Variants in STARD13 observed in about 807,000 individuals in gnomAD.
STARD13 encodes StAR related lipid transfer domain containing 13.
A neutral mutation model predicts 106.4 loss-of-function variants in STARD13; 62 were observed. The ratio of observed to expected loss-of-function variants is 0.58; its 90% CI spans 0.48 to 0.72. The LOEUF is 0.72. Ranked by LOEUF, STARD13 falls within the 30% of genes least tolerant of loss-of-function variation. The pLI is 0.00. For missense variants in STARD13, 1,387 were observed against 1,424.0 expected, an observed-to-expected ratio of 0.97 and a Z score of 0.42; for synonymous variants, 565 against 553.0, an observed-to-expected ratio of 1.02 and a Z score of -0.31.
At chr13:33,383,319 G>A in the STARD13 span, among the ~76,000 whole-genome samples, 1 of 152,088 alleles carries the variant, frequency 6.6e-6, no homozygotes, top group Admixed American at 6.5e-5. Context: ...AATCGCTTGA[G>A]GCTAAAAGGT....
At chr13:33,512,624 C>A in the STARD13 span, among the ~76,000 whole-genome samples, 3 of 152,014 alleles carry the variant, frequency 2.0e-5, no homozygotes, top group African/African-American at 7.2e-5. Context: ...CCCGCCATCA[C>A]GCCTGGCTAA....
the STARD13 span, among the ~76,000 whole-genome samples, chr13:33,374,956 A>G: frequency 2.0e-5 from 3 of 152,062 alleles, no homozygotes; most frequent in Admixed American, 6.6e-5. Context: ...TGCCAATTCC[A>G]CTCTTAGTAC....
intron 3 of STARD13, among the ~76,000 whole-genome samples, chr13:33,148,692 C>T (rs1466831260): frequency 6.6e-6 from 1 of 152,204 alleles, no homozygotes; most frequent in African/African-American, 2.4e-5. Context: ...ACACTTTTAT[C>T]ATATACTCGA....
the STARD13 span, among the ~76,000 whole-genome samples, chr13:33,430,469 A>G: frequency 6.6e-6 from 1 of 152,198 alleles, no homozygotes; most frequent in Admixed American, 6.5e-5. Context: ...ATTTGTGTAT[A>G]AGGTTGGTGG....
At chr13:33,528,257 C>CATATATATGTATATATATAT in the STARD13 span, among the ~76,000 whole-genome samples, 4 of 92,898 alleles carry the variant, frequency 4.3e-5, no homozygotes, top group South Asian at 5.9e-4. Context: ...TATATATATA[C>CATATATATGTATATATATAT]ATATATATAT....
At chr13:33,472,661 C>T in the STARD13 span, among the ~76,000 whole-genome samples, 45,481 of 152,016 alleles carry the variant, frequency 0.3, 7,674 homozygotes, top group Non-Finnish European at 0.39. Flanking sequence ...GAGCTCAGTG[C>T]GGTTTTCTTG....
chr13:33,431,636 T>A, the STARD13 span, among the ~76,000 whole-genome samples: 1 of 152,196 alleles, frequency 6.6e-6, no homozygotes, highest in African/African-American at 2.4e-5. Context: ...ATTAAAGTGT[T>A]GGTCTTAGTT....
chr13:33,302,183 C>T (rs1355059673), intron 1 of STARD13, among the ~76,000 whole-genome samples: 4 of 152,170 alleles, frequency 2.6e-5, no homozygotes, highest in African/African-American at 9.7e-5. Context: ...CTACCTGATG[C>T]TGAGTAACTT....
At chr13:33,241,060 G>A (rs908343232) in intron 1 of STARD13, among the ~76,000 whole-genome samples, 8 of 152,158 alleles carry the variant, frequency 5.3e-5, no homozygotes, top group Non-Finnish European at 1.0e-4. Flanking sequence ...CTTGTGTAGG[G>A]TGCCATTATT....
chr13:33,265,536 G>A (rs979360847), intron 1 of STARD13, among the ~76,000 whole-genome samples: 1 of 151,966 alleles, frequency 6.6e-6, no homozygotes, highest in East Asian at 1.9e-4. Context: ...CTAAAATCAG[G>A]CACTAAATTA....
intron 1 of STARD13, among the ~76,000 whole-genome samples, chr13:33,237,533 C>T (rs528482830): frequency 4.6e-5 from 7 of 152,274 alleles, no homozygotes; most frequent in Admixed American, 3.9e-4. Flanking sequence ...TTGCAATGAA[C>T]TATTTTTCTG....
the STARD13 span, among the ~76,000 whole-genome samples, chr13:33,359,265 C>T: frequency 1.4e-4 from 22 of 152,060 alleles, no homozygotes; most frequent in Admixed American, 1.2e-3. Context: ...CTGAGCCCAG[C>T]GAGACCACGA....
intron 1 of STARD13, among the ~76,000 whole-genome samples, chr13:33,259,864 CAT>C (rs1296186047): frequency 6.6e-6 from 1 of 151,900 alleles, no homozygotes; most frequent in African/African-American, 2.4e-5. Flanking sequence ...ATAATTCCCA[CAT>C]GTCATGGGAG....
chr13:33,264,125 C>T (rs976302909), intron 1 of STARD13, among the ~76,000 whole-genome samples: 5 of 152,198 alleles, frequency 3.3e-5, no homozygotes, highest in African/African-American at 9.7e-5. Flanking sequence ...GCATCCACTG[C>T]CAGTCATGCA....
chr13:33,557,142 T>C, the STARD13 span, among the ~76,000 whole-genome samples: 62 of 152,168 alleles, frequency 4.1e-4, 1 homozygote, highest in Non-Finnish European at 2.1e-4. Context: ...TGTTGCTCCT[T>C]TAACCCCTTA....
chr13:33,323,101 G>T (rs916973866), intron 1 of STARD13, among the ~76,000 whole-genome samples: 1 of 152,198 alleles, frequency 6.6e-6, no homozygotes, highest in Non-Finnish European at 1.5e-5. Flanking sequence ...ATGCTGGGCA[G>T]CACAGGTTGT....
In STARD13 at chr13:33,185,369, G is replaced by C. The variant is rs188911803; in HGVS notation, c.170-17747C>G. 3.9e-4 allele frequency among the ~76,000 whole-genome samples: 60 copies of C among 152,270 alleles called. 1 individual carries two copies. The East Asian group carries it at 0.011, about 28-fold the overall frequency. On this transcript the variant is annotated intron_variant, in intron 1 of 13. Coordinates refer to ENST00000336934, the MANE Select transcript of STARD13 (RefSeq NM_178006.4). ...TAGCAGGACATCTTATGTTTTGAAG[G>C]CAATTTATGCATTTTTTTAGGAGTG...
At chr13:33,486,771 C>T in the STARD13 span, among the ~76,000 whole-genome samples, 1,085 of 152,304 alleles carry the variant, frequency 7.1e-3, 10 homozygotes, top group African/African-American at 0.025. Context: ...CACTGCCTGC[C>T]TTTTGCCTGC....
intron 1 of STARD13, among the ~76,000 whole-genome samples, chr13:33,215,533 G>A (rs373144531): frequency 2.6e-4 from 40 of 152,198 alleles, no homozygotes; most frequent in African/African-American, 9.4e-4. Flanking sequence ...TTGGATCCAG[G>A]ATGCTCAGAC....
Sources: gnomAD v4.1 joint callset for allele counts (sites outside exome capture counted in the v4.1 genomes callset) on GRCh38, gnomAD v4.1.1 for gene constraint, MANE v1.5 for transcripts, NCBI Gene and HGNC (gene_info 2026-07-23, HGNC 2026-07-21) for gene names.